CFAP161: variants seen among roughly 807,000 people sequenced by gnomAD.
CFAP161 encodes cilia- and flagella-associated protein 161.
A neutral mutation model predicts 29.0 loss-of-function variants in CFAP161; 25 were observed. That is an observed-to-expected ratio of 0.86 (90% CI 0.63 to 1.20). CFAP161 has a LOEUF of 1.20. Ranked by LOEUF, CFAP161 falls within the 50% of genes most tolerant of loss-of-function variation. CFAP161 has a pLI of 0.00. For synonymous variants in CFAP161, 116 were observed against 137.4 expected (o/e 0.84, Z 1.09); for missense variants, 367 against 371.9 (o/e 0.99, Z 0.11).
intron 4 of CFAP161, 43 bp downstream of exon 4, chr15:81,138,178 T>C (rs1894845199): frequency 6.7e-7 from 1 of 1,494,222 alleles, no homozygotes; most frequent in Admixed American, 1.7e-5. Flanking sequence ...CAGTCATTTC[T>C]GTTGCCCAAA....
At chr15:81,107,810 C>T (rs1314519169) in intron 1 of CFAP161, among the ~76,000 whole-genome samples, 1 of 152,148 alleles carries the variant, frequency 6.6e-6, no homozygotes, top group Non-Finnish European at 1.5e-5. Flanking sequence ...ACGGAAGTAC[C>T]CAAATAAAAC....
chr15:81,148,241 C>G, intron 6 of CFAP161, 97 bp from the exon 7 acceptor site: 1 of 1,224,736 alleles, frequency 8.2e-7, no homozygotes, highest in Non-Finnish European at 1.2e-6. Context: ...ATCTAGCAAT[C>G]CGCTTCTTAA....
chr15:81,117,402 G>C (rs1894512333), intron 1 of CFAP161, among the ~76,000 whole-genome samples: 1 of 152,080 alleles, frequency 6.6e-6, no homozygotes, highest in Non-Finnish European at 1.5e-5. Flanking sequence ...AGCTAACAAT[G>C]CTTACAATTT....
At position 81,139,268 on chromosome 15, in the gene CFAP161, G is replaced by C. The variant is rs1894864377; in HGVS notation, c.477+1133G>C. Reference sequence around the variant, plus strand: ...GTAGAGTTTGCACCACTGTACTCCAGCCTGGGTGACAGAAAGAGACCCTGT... The same window carrying C: ...GTAGAGTTTGCACCACTGTACTCCACCCTGGGTGACAGAAAGAGACCCTGT... On this transcript the variant is annotated intron_variant, in intron 4 of 6. Transcript: ENST00000286732. Among the ~76,000 whole-genome samples the C allele has an allele frequency of 2.6e-5, 4 of 151,980 alleles. No individual in the cohort carries two copies. In the South Asian group the frequency reaches 8.3e-4, roughly 32 times the overall value.
chr15:81,132,028 G>A (rs1182376828), upstream of CFAP161, among the ~76,000 whole-genome samples: 1 of 152,174 alleles, frequency 6.6e-6, no homozygotes, highest in Non-Finnish European at 1.5e-5. Flanking sequence ...TGTAATCCCA[G>A]CACTTTGGAA....
At chr15:81,124,993 T>A (rs984405257) in intron 1 of CFAP161, among the ~76,000 whole-genome samples, 24 of 151,932 alleles carry the variant, frequency 1.6e-4, no homozygotes, top group African/African-American at 5.1e-4. Flanking sequence ...AGTTAAAAAA[T>A]TTTTTTTATT....
chr15:81,114,641 A>T (rs763104062), intron 1 of CFAP161, among the ~76,000 whole-genome samples: 4 of 152,176 alleles, frequency 2.6e-5, no homozygotes, highest in Non-Finnish European at 4.4e-5. Context: ...ATATTCATGG[A>T]GGTAGAGGAA....
intron 3 of CFAP161, among the ~76,000 whole-genome samples, chr15:81,137,047 T>C (rs984627973): frequency 3.3e-5 from 5 of 152,058 alleles, no homozygotes; most frequent in Admixed American, 2.6e-4. Flanking sequence ...TATAACATTT[T>C]GGAACTTTTT....
chr15:81,134,522 T>G, intron 1 of CFAP161, 124 bp downstream of exon 1: 1 of 950,430 alleles, frequency 1.1e-6, no homozygotes, highest in Non-Finnish European at 1.6e-6. Context: ...CGAATACCTC[T>G]AAAATCCCCC....
At position 81,134,343 on chromosome 15, in the gene CFAP161, T is replaced by A; in HGVS notation, c.14T>A (p.Val5Glu). Reference protein sequence around the residue: MAQNVYGPGVRIGNW... With the variant: MAQNEYGPGVRIGNW... ...CAGCAGGGAGCGATGGCGCAGAACG[T>A]GTATGGTCCGGGAGTCCGGATAGGC... The change falls in exon 1 of 7, where the codon GTG (valine) becomes GAG (glutamate). Residue 5 changes from valine (V) to glutamate (E), a missense_variant. Coordinates refer to ENST00000286732, the MANE Select transcript of CFAP161 (RefSeq NM_173528.4). 6.3e-7 allele frequency: 1 copy of A among 1,589,878 alleles called. No homozygotes were observed.
intron 2 of CFAP161, among the ~76,000 whole-genome samples, chr15:81,128,843 G>C (rs1342398883): frequency 6.6e-6 from 1 of 151,794 alleles, no homozygotes; most frequent in Non-Finnish European, 1.5e-5. Context: ...GGTGGTTTAT[G>C]CCTGTAATCC....
At chr15:81,105,060 G>C (rs578080537) in intron 1 of CFAP161, among the ~76,000 whole-genome samples, 134 of 135,194 alleles carry the variant, frequency 9.9e-4, no homozygotes, top group African/African-American at 3.0e-3. Context: ...TTGTAGCTGT[G>C]TCACCTCAAT....
At chr15:81,133,197 ATATATATATATATATATATATATATATG>A (rs1439788622), upstream of CFAP161, among the ~76,000 whole-genome samples, 40 of 68,152 alleles carry the variant, frequency 5.9e-4, 2 homozygotes, top group South Asian at 1.6e-3. Context: ...ATATATATAT[ATATATATATATATATATATATATATATG>A]TATTTTTTTT....
chr15:81,141,838 C>T (rs1240022660), intron 4 of CFAP161, among the ~76,000 whole-genome samples: 2 of 152,030 alleles, frequency 1.3e-5, no homozygotes, highest in African/African-American at 4.8e-5. Flanking sequence ...GCACCTGCCA[C>T]CACACCTGGC....
At chr15:81,127,510 A>G (rs1272598732) in intron 1 of CFAP161, 2 of 152,230 alleles carry the variant, frequency 1.3e-5, no homozygotes, top group Admixed American at 1.3e-4. Context: ...TTGTATTTAT[A>G]CCAGAAAGGA....
upstream of CFAP161, among the ~76,000 whole-genome samples, chr15:81,132,725 A>G (rs1394754557): frequency 6.6e-6 from 1 of 152,224 alleles, no homozygotes; most frequent in Non-Finnish European, 1.5e-5. Context: ...TGTAGAGACT[A>G]GAGCTGCTTT....
At chr15:81,114,540 A>G (rs1251649924) in intron 1 of CFAP161, among the ~76,000 whole-genome samples, 2 of 152,346 alleles carry the variant, frequency 1.3e-5, no homozygotes, top group East Asian at 3.9e-4. Context: ...GTCAATCTAA[A>G]CAAACAGAGA....
chr15:81,123,957 C>G (rs1257193023), intron 1 of CFAP161, among the ~76,000 whole-genome samples: 1 of 152,142 alleles, frequency 6.6e-6, no homozygotes, highest in Non-Finnish European at 1.5e-5. Flanking sequence ...ATGGGGTTTT[C>G]TAGATGTAGG....
intron 1 of CFAP161, among the ~76,000 whole-genome samples, chr15:81,103,022 C>T (rs965019268): frequency 6.6e-6 from 1 of 152,070 alleles, no homozygotes; most frequent in Non-Finnish European, 1.5e-5. Context: ...ATATCTTAGC[C>T]TCACTGAAGG....
Sources: allele counts gnomAD v4.1 joint callset (sites outside exome capture counted in the v4.1 genomes callset), GRCh38; gene constraint gnomAD v4.1.1; transcripts MANE v1.5; gene names NCBI Gene and HGNC (gene_info 2026-07-23, HGNC 2026-07-21).